KLHL29: variants seen among roughly 807,000 people sequenced by gnomAD.
KLHL29 encodes kelch like family member 29.
KLHL29 carries 21 observed loss-of-function variants against 80.4 expected under a neutral mutation model. That is an observed-to-expected ratio of 0.26 (90% CI 0.19 to 0.38). The LOEUF is 0.38. Ranked by LOEUF, KLHL29 falls within the 10% of genes least tolerant of loss-of-function variation. KLHL29 has a pLI of 1.00. For synonymous variants in KLHL29, 511 were observed against 526.8 expected, an observed-to-expected ratio of 0.97 and a Z score of 0.41; for missense variants, 867 against 1,223.9, an observed-to-expected ratio of 0.71 and a Z score of 4.35.
intron 3 of KLHL29, among the ~76,000 whole-genome samples, chr2:23,634,602 T>G (rs1408956910): frequency 6.6e-6 from 1 of 152,164 alleles, no homozygotes; most frequent in Non-Finnish European, 1.5e-5. Flanking sequence ...ACAGAGGCAG[T>G]AGTCACTCCT....
At chr2:23,536,916 A>G (rs62125421) in intron 2 of KLHL29, among the ~76,000 whole-genome samples, 7 of 52,656 alleles carry the variant, frequency 1.3e-4, no homozygotes, top group African/African-American at 4.4e-4. Context: ...ACACACACAC[A>G]CACTCTCTCT....
At chr2:23,433,871 A>G (rs1368856097) in intron 1 of KLHL29, among the ~76,000 whole-genome samples, 4 of 152,118 alleles carry the variant, frequency 2.6e-5, no homozygotes, top group Non-Finnish European at 2.9e-5. Flanking sequence ...GTAAGTTACA[A>G]TCACACCACC....
intron 2 of KLHL29, among the ~76,000 whole-genome samples, chr2:23,483,001 A>T (rs1377074265): frequency 6.6e-6 from 1 of 152,242 alleles, no homozygotes; most frequent in Non-Finnish European, 1.5e-5. Flanking sequence ...TTACATGATT[A>T]ACGCGATCAA....
intron 2 of KLHL29, among the ~76,000 whole-genome samples, chr2:23,532,900 C>T (rs1329233202): frequency 6.6e-6 from 1 of 152,178 alleles, no homozygotes; most frequent in Non-Finnish European, 1.5e-5. Context: ...GACAGCCCCA[C>T]AGCTGTGTGT....
At chr2:23,479,269 A>G (rs534584976) in intron 2 of KLHL29, among the ~76,000 whole-genome samples, 9 of 150,986 alleles carry the variant, frequency 6.0e-5, no homozygotes, top group African/African-American at 1.5e-4. Flanking sequence ...AGATCCCTCA[A>G]CAGAACCTCA....
Position 23,516,879 on chromosome 2 carries a change from G to T in KLHL29, c.-46+41212G>T, listed in dbSNP as rs1483915199. Among the ~76,000 whole-genome samples the T allele has an allele frequency of 2.6e-5, 4 of 152,184 alleles. No homozygotes were observed. The East Asian group carries it at 7.7e-4, about 29-fold the overall frequency. On this transcript the variant is annotated intron_variant, in intron 2 of 13. Transcript: ENST00000486442. The stretch of plus-strand genomic sequence containing the variant: ...AGGCAGGAGGCAGGGATTCCCTCCA[G>T]ACCCTCAGAGCAGAACCAAGTCTTG...
At chr2:23,625,888 G>A (rs1411653499) in intron 3 of KLHL29, among the ~76,000 whole-genome samples, 1 of 152,200 alleles carries the variant, frequency 6.6e-6, no homozygotes, top group Non-Finnish European at 1.5e-5. Flanking sequence ...CTCACTGCCT[G>A]GTGAGGACAC....
chr2:23,506,281 G>A (rs985680100), intron 2 of KLHL29, among the ~76,000 whole-genome samples: 1 of 152,180 alleles, frequency 6.6e-6, no homozygotes, highest in African/African-American at 2.4e-5. Flanking sequence ...TCTTCGCGAA[G>A]TTGAAGGCAC....
intron 1 of KLHL29, among the ~76,000 whole-genome samples, chr2:23,395,149 G>C (rs1276966879): frequency 6.6e-6 from 1 of 152,126 alleles, no homozygotes; most frequent in Non-Finnish European, 1.5e-5. Flanking sequence ...AAGGAGACAG[G>C]GCACCACATC....
chr2:23,443,837 A>T (rs1404419410), intron 1 of KLHL29, among the ~76,000 whole-genome samples: 2 of 152,208 alleles, frequency 1.3e-5, no homozygotes, highest in African/African-American at 4.8e-5. Flanking sequence ...TTCCTTCTGT[A>T]ATTAGCAAGT....
rs927616778 is a variant in KLHL29, at chr2:23,695,247, C to G, written c.1543-376C>G. Among the ~76,000 whole-genome samples the G allele has an allele frequency of 6.6e-6, 1 of 152,158 alleles. No homozygotes were observed. Among genetic ancestry groups the G allele is most frequent in the Non-Finnish European group, 1.5e-5 (1 of 68,028 alleles). On this transcript the variant is annotated intron_variant, in intron 8 of 13. Coordinates refer to ENST00000486442, the MANE Select transcript of KLHL29 (RefSeq NM_052920.2). The surrounding 1 kb of genome is among the most constrained non-coding windows in gnomAD (Gnocchi z 7.6). ...CTGAGTCCTTGTCACACTCACAGCT[C>G]TTTAATAATCGCGTCTTCCTCATTT...
At chr2:23,494,809 T>A (rs1665209331) in intron 2 of KLHL29, among the ~76,000 whole-genome samples, 1 of 152,192 alleles carries the variant, frequency 6.6e-6, no homozygotes, top group South Asian at 2.1e-4. Context: ...CTCTCCCTGC[T>A]TTCCGGGCTC....
intron 2 of KLHL29, among the ~76,000 whole-genome samples, chr2:23,556,323 C>T (rs1667294664): frequency 6.6e-6 from 1 of 152,086 alleles, no homozygotes; most frequent in Non-Finnish European, 1.5e-5. Flanking sequence ...GTGGTGTTGA[C>T]TGGCAGGCTC....
At chr2:23,572,286 C>A (rs1667734667) in intron 3 of KLHL29, among the ~76,000 whole-genome samples, 1 of 152,224 alleles carries the variant, frequency 6.6e-6, no homozygotes, top group African/African-American at 2.4e-5. Flanking sequence ...CTAGCATTGT[C>A]ATTTCCTCTC....
At chr2:23,585,133 A>C (rs1282157478) in intron 3 of KLHL29, among the ~76,000 whole-genome samples, 1 of 152,212 alleles carries the variant, frequency 6.6e-6, no homozygotes, top group Non-Finnish European at 1.5e-5. Context: ...TACACACCCG[A>C]GTGGGCTGAA....
At chr2:23,631,941 A>C (rs769624127) in intron 3 of KLHL29, among the ~76,000 whole-genome samples, 9 of 152,158 alleles carry the variant, frequency 5.9e-5, no homozygotes, top group Non-Finnish European at 1.0e-4. Flanking sequence ...ATTTGAACGC[A>C]AAGACTTTCA....
At chr2:23,688,337 T>C (rs1014276370) in intron 6 of KLHL29, among the ~76,000 whole-genome samples, 14 of 152,186 alleles carry the variant, frequency 9.2e-5, no homozygotes, top group African/African-American at 3.4e-4. Context: ...GCCCCATGCC[T>C]GTCCCTCACC....
At chr2:23,694,245 G>A (rs1005847570) in intron 8 of KLHL29, among the ~76,000 whole-genome samples, 5 of 152,150 alleles carry the variant, frequency 3.3e-5, no homozygotes, top group Admixed American at 1.3e-4. Context: ...TTATTTCAGC[G>A]ATGCCTGGTC....
intron 5 of KLHL29, among the ~76,000 whole-genome samples, chr2:23,674,121 G>T (rs1173797954): frequency 6.6e-6 from 1 of 152,070 alleles, no homozygotes. Context: ...ACTTGCCCCG[G>T]TCAGACTCCT....
Sources: allele counts gnomAD v4.1 joint callset (sites outside exome capture counted in the v4.1 genomes callset), GRCh38; gene constraint gnomAD v4.1.1; non-coding constraint Gnocchi (gnomAD v3.1); transcripts MANE v1.5; gene names NCBI Gene and HGNC (gene_info 2026-07-23, HGNC 2026-07-21).